The following LGSN variants were observed in gnomAD, a reference collection of about 807,000 sequenced individuals.
The protein encoded by LGSN is lengsin.
In LGSN, 21 loss-of-function variants were observed where a neutral mutation model predicts 19.5. The observed-to-expected ratio is 1.07, with a 90% CI of 0.76 to 1.55. LGSN has a LOEUF of 1.55. Ranked by LOEUF, LGSN falls within the 40% of genes most tolerant of loss-of-function variation. The pLI, the probability that LGSN is intolerant of heterozygous loss-of-function variation, is 0.00. For synonymous variants in LGSN, 257 were observed against 215.6 expected (o/e 1.19, Z -1.68); for missense variants, 673 against 608.5 (o/e 1.11, Z -1.12).
the LGSN span, among the ~76,000 whole-genome samples, chr6:63,413,132 A>G: frequency 2.6e-5 from 4 of 152,010 alleles, no homozygotes; most frequent in African/African-American, 9.7e-5. Flanking sequence ...AGTGTTGAAC[A>G]CTCATATTAA....
chr6:63,439,284 G>A, the LGSN span, among the ~76,000 whole-genome samples: 132 of 152,166 alleles, frequency 8.7e-4, no homozygotes, highest in Non-Finnish European at 1.5e-3. Flanking sequence ...CAGCACACCA[G>A]CATGGCACGT....
chr6:63,548,567 C>G, the LGSN span: 1 of 257,626 alleles, frequency 3.9e-6, no homozygotes, highest in Non-Finnish European at 7.6e-6. Flanking sequence ...TCTCCAAGCA[C>G]AGCTCAGGGT....
At chr6:63,384,411 G>A in the LGSN span, among the ~76,000 whole-genome samples, 1 of 152,012 alleles carries the variant, frequency 6.6e-6, no homozygotes, top group African/African-American at 2.4e-5. Flanking sequence ...ACCGTTATGA[G>A]CAGAATTGTG....
At chr6:63,282,714 A>G (rs1168256766) in intron 3 of LGSN, among the ~76,000 whole-genome samples, 1 of 152,180 alleles carries the variant, frequency 6.6e-6, no homozygotes, top group Non-Finnish European at 1.5e-5. Flanking sequence ...TTAACCAATA[A>G]TAAAGTTGAG....
the LGSN span, among the ~76,000 whole-genome samples, chr6:63,336,561 G>GTATATATA: frequency 7.8e-5 from 10 of 127,576 alleles, no homozygotes; most frequent in Non-Finnish European, 1.6e-4. Flanking sequence ...GTGTGTGTGT[G>GTATATATA]TATATATATA....
the LGSN span, among the ~76,000 whole-genome samples, chr6:63,338,692 G>A: frequency 6.6e-6 from 1 of 151,824 alleles, no homozygotes; most frequent in Non-Finnish European, 1.5e-5. Flanking sequence ...GTTTCATTCT[G>A]TTCTGATATT....
chr6:63,310,379 C>T (rs915442384), intron 1 of LGSN, among the ~76,000 whole-genome samples: 1 of 151,866 alleles, frequency 6.6e-6, no homozygotes, highest in African/African-American at 2.4e-5. Context: ...TTATGGTATA[C>T]AATATAATCT....
At chr6:63,513,812 G>A in the LGSN span, among the ~76,000 whole-genome samples, 1 of 150,484 alleles carries the variant, frequency 6.6e-6, no homozygotes, top group Non-Finnish European at 1.5e-5. Context: ...TCGCGGGGCT[G>A]AGGCAGGAGA....
the LGSN span, among the ~76,000 whole-genome samples, chr6:63,502,529 A>G: frequency 6.6e-6 from 1 of 152,208 alleles, no homozygotes; most frequent in African/African-American, 2.4e-5. Context: ...GAAAGTTAAT[A>G]TAATATATTA....
intron 1 of LGSN, among the ~76,000 whole-genome samples, chr6:63,298,294 A>G (rs983628171): frequency 2.6e-5 from 4 of 152,162 alleles, no homozygotes; most frequent in East Asian, 3.9e-4. Flanking sequence ...TGTTTTGACT[A>G]TCTGAATTTG....
chr6:63,349,836 G>A, the LGSN span, among the ~76,000 whole-genome samples: 1 of 152,188 alleles, frequency 6.6e-6, no homozygotes, highest in East Asian at 1.9e-4. Context: ...TCATAAGACT[G>A]AAATCAAGGT....
At chr6:63,473,012 TAA>T in the LGSN span, among the ~76,000 whole-genome samples, 2 of 152,006 alleles carry the variant, frequency 1.3e-5, no homozygotes, top group Non-Finnish European at 2.9e-5. Context: ...GGCCACATTT[TAA>T]AAGTTTTGGC....
At chr6:63,364,663 C>T in the LGSN span, among the ~76,000 whole-genome samples, 24 of 152,244 alleles carry the variant, frequency 1.6e-4, no homozygotes, top group African/African-American at 5.1e-4. Context: ...ACACTTATTC[C>T]AAAATTGGCC....
intron 3 of LGSN, among the ~76,000 whole-genome samples, chr6:63,282,196 T>A (rs1254053012): frequency 6.6e-6 from 1 of 152,346 alleles, no homozygotes; most frequent in East Asian, 1.9e-4. Context: ...CTGGAAATTA[T>A]GTATTAGAAA....
chr6:63,433,506 G>A, the LGSN span, among the ~76,000 whole-genome samples: 11 of 152,316 alleles, frequency 7.2e-5, no homozygotes, highest in Non-Finnish European at 1.5e-4. Context: ...CATGCTGCCT[G>A]TAACCAGTAA....
the LGSN span, among the ~76,000 whole-genome samples, chr6:63,484,924 C>T: frequency 6.6e-6 from 1 of 152,202 alleles, no homozygotes; most frequent in African/African-American, 2.4e-5. Context: ...CTGTATCTCC[C>T]CATCTTTCTC....
chr6:63,308,723 A>G (rs1016978180), intron 1 of LGSN, among the ~76,000 whole-genome samples: 4 of 152,172 alleles, frequency 2.6e-5, no homozygotes, highest in Admixed American at 2.0e-4. Flanking sequence ...GTGCATGAAA[A>G]CGCAAACAAG....
intron 1 of LGSN, among the ~76,000 whole-genome samples, chr6:63,297,952 T>C (rs1333067265): frequency 2.0e-5 from 3 of 152,208 alleles, no homozygotes; most frequent in African/African-American, 4.8e-5. Flanking sequence ...TGTACCAAGA[T>C]GGAAATCTTC....
At position 63,308,565 on chromosome 6, in the gene LGSN, A is replaced by G. The variant is rs866456353; in HGVS notation, c.30+11349T>C. On this transcript the variant is annotated intron_variant, in intron 1 of 3. Transcript: ENST00000370657. ...TTAGGTTCTAAATATCAATGATTTT[A>G]TTGATTTAGTTTTAATTTTCTCTAA... Among the ~76,000 whole-genome samples, 3 of 151,764 alleles carry G rather than the reference A, an allele frequency of 2.0e-5. No individual in the cohort carries two copies. The Middle Eastern group carries it at 0.01, about 516-fold the overall frequency.
Sources: gnomAD v4.1 joint callset for allele counts (sites outside exome capture counted in the v4.1 genomes callset) on GRCh38, gnomAD v4.1.1 for gene constraint, MANE v1.5 for transcripts, NCBI Gene and HGNC (gene_info 2026-07-23, HGNC 2026-07-21) for gene names.